The following SLC35D2 variants were observed in gnomAD, a reference collection of about 807,000 sequenced individuals.
The protein encoded by SLC35D2 is solute carrier family 35 member D2.
In SLC35D2, 43 loss-of-function variants were observed where a neutral mutation model predicts 41.8. The ratio of observed to expected loss-of-function variants is 1.03; its 90% confidence interval spans 0.81 to 1.33. The LOEUF (loss-of-function observed/expected upper bound fraction) is 1.33, where lower values mean the gene tolerates loss of function less well. Ranked by LOEUF, SLC35D2 falls within the 40% of genes most tolerant of loss-of-function variation. The pLI is 0.00. For synonymous variants in SLC35D2, 150 were observed against 163.9 expected (o/e 0.92, Z 0.65); for missense variants, 380 against 408.4 (o/e 0.93, Z 0.60).
At chr9:96,331,948 C>T (rs2130864348) in intron 9 of SLC35D2, among the ~76,000 whole-genome samples, 1 of 152,234 alleles carries the variant, frequency 6.6e-6, no homozygotes, top group South Asian at 2.1e-4. Context: ...CCAAAACCAT[C>T]CTTACCCATC....
intron 3 of SLC35D2, among the ~76,000 whole-genome samples, chr9:96,363,653 G>A (rs1830369758): frequency 6.6e-6 from 1 of 152,164 alleles, no homozygotes; most frequent in South Asian, 2.1e-4. Flanking sequence ...ATATCAAATT[G>A]CATTCTTCAT....
In SLC35D2 at chr9:96,343,975, G is replaced by C; in HGVS notation, c.613C>G (p.Leu205Val). 1 of 1,599,400 alleles carries C rather than the reference G, an allele frequency of 6.3e-7. No homozygotes were observed. Reference protein sequence around the residue: ...DPKELGKYGVLFYNACFMIIP... With the variant: ...DPKELGKYGVVFYNACFMIIP... ...ATCATGAAGCAGGCATTGTAGAAAA[G>C]TACTCCGTATTTCCCTAGCTCCTGC... The change falls in exon 8 of 12, where the codon CTT becomes GTT. Residue 205 changes from leucine (L) to valine (V), a missense_variant. Physicochemically the swap from Leu to Val is conservative, Grantham distance 32. Transcript: ENST00000253270.
intron 9 of SLC35D2, among the ~76,000 whole-genome samples, chr9:96,327,923 G>C (rs1828622437): frequency 6.6e-6 from 1 of 151,970 alleles, no homozygotes; most frequent in Admixed American, 6.6e-5. Flanking sequence ...CTCCCAGCTT[G>C]CACTTCTTAA....
Position 96,383,502 on chromosome 9 carries a change from T to G in SLC35D2, c.133A>C (p.Asn45His). The G allele has an allele frequency of 6.5e-7, 1 of 1,537,306 alleles. No individual in the cohort carries two copies. The highest frequency in any genetic ancestry group is 2.0e-5 in the Admixed American group (1 of 50,610). Residue 45 changes from asparagine to histidine, a missense_variant, in exon 1 of 12, where the codon AAC (asparagine) becomes CAC (histidine). Asn to His is a moderately conservative substitution (Grantham distance 68, BLOSUM62 1). Transcript: ENST00000253270. ...GTCSFLIVLV[N>H]KALLTTYGFP... ...CCGTAGGTGGTCAGCAGCGCCTTGTTGACAAGCACGATGAGGAAGGAGCAG... is the reference window on the plus strand; with the variant it reads ...CCGTAGGTGGTCAGCAGCGCCTTGTGGACAAGCACGATGAGGAAGGAGCAG...
At chr9:96,382,490 C>CTAT (rs1238926572) in intron 1 of SLC35D2, among the ~76,000 whole-genome samples, 1,883 of 144,646 alleles carry the variant, frequency 0.013, 16 homozygotes, top group Middle Eastern at 0.044. Flanking sequence ...CACACACACA[C>CTAT]ACACACTATA....
intron 6 of SLC35D2, among the ~76,000 whole-genome samples, chr9:96,350,101 G>A (rs1301284386): frequency 6.6e-6 from 1 of 152,098 alleles, no homozygotes; most frequent in African/African-American, 2.4e-5. Flanking sequence ...GGAGAGAAAG[G>A]TACAGATGAC....
chr9:96,361,761 A>T (rs1161938285), intron 3 of SLC35D2, among the ~76,000 whole-genome samples: 1 of 151,694 alleles, frequency 6.6e-6, no homozygotes, highest in African/African-American at 2.4e-5. Context: ...GTGCACACAC[A>T]GAGGAAAGGC....
intron 2 of SLC35D2, among the ~76,000 whole-genome samples, chr9:96,367,558 G>A (rs369369108): frequency 1.4e-4 from 21 of 152,040 alleles, no homozygotes; most frequent in Non-Finnish European, 2.4e-4. Context: ...AGGTGGGTGC[G>A]GATCGCCTGA....
chr9:96,383,512 G>T lies in SLC35D2; in HGVS notation c.123C>A (p.Ile41=). The stretch of plus-strand genomic sequence containing the variant: ...TCAGCAGCGCCTTGTTGACAAGCAC[G>T]ATGAGGAAGGAGCAGGTCCCGTAGA... ...ALFYGTCSFL[I]VLVNKALLTT... Residue 41 remains isoleucine (I), a synonymous_variant, in exon 1 of 12, where the codon ATC becomes ATA. Coordinates refer to ENST00000253270, the MANE Select transcript of SLC35D2 (RefSeq NM_007001.3). 6.5e-7 allele frequency: 1 copy of T among 1,536,570 alleles called. No individual in the cohort carries two copies. The highest frequency in any genetic ancestry group is 8.8e-7 in the Non-Finnish European group (1 of 1,141,318).
chr9:96,338,005 A>AAAAAAAAAAAAAG lies in SLC35D2; in HGVS notation c.685-1222_685-1221insCTTTTTTTTTTTT, dbSNP rs373089900. On this transcript the variant is annotated intron_variant, in intron 8 of 11. Transcript: ENST00000253270. ...TCAAAAAAAAAAAAAAAAAAAAAAA[A>AAAAAAAAAAAAAG]CTCAATTTCTGCTCTCCAGGAATTT... Among the ~76,000 whole-genome samples the AAAAAAAAAAAAAG allele has an allele frequency of 2.9e-4, 30 of 104,802 alleles. 1 individual carries two copies. The highest frequency in any genetic ancestry group is 1.2e-3 in the African/African-American group (28 of 23,402). The allele number at this position is 104,802 out of a possible 152,430, so 68.8% of individuals were successfully genotyped here.
At position 96,321,283 on chromosome 9, in the gene SLC35D2, G is replaced by T. The variant is rs1186022808; in HGVS notation, c.973C>A (p.Pro325Thr). Residue 325 changes from proline (P) to threonine (T), a missense_variant, in exon 12 of 12, where the codon CCT becomes ACT. Physicochemically the swap from Pro to Thr is conservative, Grantham distance 38. Transcript: ENST00000253270. Reference protein sequence around the residue: ...LTLSSQLKPKPVGEENICLDL... With the variant: ...LTLSSQLKPKTVGEENICLDL... Reference sequence around the variant, plus strand: ...AAACAGATGTTTTCTTCACCCACAGGTTTAGGTTTTAACTGGCTGCTCAGT... The same window carrying T: ...AAACAGATGTTTTCTTCACCCACAGTTTTAGGTTTTAACTGGCTGCTCAGT... 5 of 1,613,914 alleles carry T rather than the reference G, an allele frequency of 3.1e-6. No individual in the cohort carries two copies. Among genetic ancestry groups the T allele is most frequent in the Non-Finnish European group, 3.4e-6 (4 of 1,179,914 alleles).
At chr9:96,381,482 C>T (rs1433300206) in intron 1 of SLC35D2, among the ~76,000 whole-genome samples, 1 of 152,184 alleles carries the variant, frequency 6.6e-6, no homozygotes, top group Non-Finnish European at 1.5e-5. Context: ...GGCTTATGTC[C>T]CCACCTCACT....
chr9:96,377,558 G>C (rs1386383943), intron 1 of SLC35D2, among the ~76,000 whole-genome samples: 1 of 152,164 alleles, frequency 6.6e-6, no homozygotes, highest in African/African-American at 2.4e-5. Context: ...CACCCAGATT[G>C]TATGTATGAC....
At chr9:96,362,891 G>C (rs1554716234) in intron 3 of SLC35D2, among the ~76,000 whole-genome samples, 2 of 149,186 alleles carry the variant, frequency 1.3e-5, no homozygotes, top group African/African-American at 4.9e-5. Flanking sequence ...TTTTGAGATG[G>C]GGTCTCACTC....
intron 11 of SLC35D2, among the ~76,000 whole-genome samples, chr9:96,315,076 G>C (rs1220419389): frequency 6.6e-6 from 1 of 152,178 alleles, no homozygotes; most frequent in Non-Finnish European, 1.5e-5. Context: ...TTGTTTCACA[G>C]AAGAATGAGT....
intron 9 of SLC35D2, among the ~76,000 whole-genome samples, chr9:96,330,327 A>G (rs1828750644): frequency 6.6e-6 from 1 of 152,210 alleles, no homozygotes. Context: ...ACACACACAG[A>G]CACCTAAAAT....
intron 8 of SLC35D2, among the ~76,000 whole-genome samples, chr9:96,338,865 C>T (rs1829177478): frequency 6.6e-6 from 1 of 152,118 alleles, no homozygotes; most frequent in Non-Finnish European, 1.5e-5. Context: ...ATGGGAAACA[C>T]TTAGTGTCTG....
intron 8 of SLC35D2, among the ~76,000 whole-genome samples, chr9:96,341,605 A>G (rs988075180): frequency 1.3e-5 from 2 of 152,220 alleles, no homozygotes; most frequent in East Asian, 1.9e-4. Flanking sequence ...AATGTCTGAC[A>G]TAATAAGCCC....
At chr9:96,320,210 G>A (rs1418942257), downstream of SLC35D2, among the ~76,000 whole-genome samples, 1 of 152,222 alleles carries the variant, frequency 6.6e-6, no homozygotes, top group Non-Finnish European at 1.5e-5. Context: ...AAACAGGTGA[G>A]CGCTTAAATG....
Sources: gnomAD v4.1 joint callset for allele counts (sites outside exome capture counted in the v4.1 genomes callset) on GRCh38, gnomAD v4.1.1 for gene constraint, MANE v1.5 for transcripts, NCBI Gene and HGNC (gene_info 2026-07-23, HGNC 2026-07-21) for gene names.